PTAFR: variants seen among roughly 807,000 people sequenced by gnomAD.
PTAFR encodes the protein platelet-activating factor receptor.
Under a neutral mutation model 14.7 loss-of-function variants are expected in PTAFR, and 8 were observed. That is an observed-to-expected ratio of 0.54 (90% CI 0.32 to 0.98). The LOEUF (loss-of-function observed/expected upper bound fraction) is 0.98, where lower values mean the gene tolerates loss of function less well. Ranked by LOEUF, PTAFR falls within the 50% of genes least tolerant of loss-of-function variation. The pLI is 0.04. For synonymous variants in PTAFR, 156 were observed against 176.5 expected (o/e 0.88, Z 0.92); for missense variants, 337 against 451.2 (o/e 0.75, Z 2.29).
intron 1 of PTAFR, among the ~76,000 whole-genome samples, chr1:28,187,376 AT>A (rs1235997681): frequency 2.0e-5 from 3 of 152,386 alleles, no homozygotes; most frequent in East Asian, 3.9e-4. Context: ...AAGGAAAAAA[AT>A]AATAAAATTA....
chr1:28,191,034 T>TCCTCTC lies in PTAFR; in HGVS notation c.-39+2682_-39+2687dup, dbSNP rs543156403. 3.3e-5 allele frequency among the ~76,000 whole-genome samples: 5 copies of TCCTCTC among 152,212 alleles called. No homozygotes were observed. In the East Asian group the frequency reaches 9.6e-4, roughly 29 times the overall value. On this transcript the variant is annotated intron_variant, in intron 1 of 1. Transcript: ENST00000305392. ...CTCCTCTCTTTTCTCCTCTTCCTCT[T>TCCTCTC]CCTCTCCCTCACCCTTTCCCTCCCT...
chr1:28,174,996 A>G (rs1646497034), intron 1 of PTAFR, among the ~76,000 whole-genome samples: 1 of 152,094 alleles, frequency 6.6e-6, no homozygotes, highest in South Asian at 2.1e-4. Context: ...GCGCCATCTC[A>G]GCTCACTGCA....
intron 1 of PTAFR, among the ~76,000 whole-genome samples, chr1:28,162,460 C>A (rs1261623265): frequency 6.6e-6 from 1 of 152,120 alleles, no homozygotes; most frequent in Non-Finnish European, 1.5e-5. Flanking sequence ...CTTGGACGAG[C>A]AGCATTGGCA....
intron 1 of PTAFR, among the ~76,000 whole-genome samples, chr1:28,164,700 A>T (rs374698760): frequency 6.6e-6 from 1 of 152,240 alleles, no homozygotes; most frequent in Non-Finnish European, 1.5e-5. Flanking sequence ...TCCAAGGTTC[A>T]TTCTGACTCT....
At chr1:28,175,052 G>T (rs1046573667) in intron 1 of PTAFR, among the ~76,000 whole-genome samples, 1 of 151,952 alleles carries the variant, frequency 6.6e-6, no homozygotes, top group African/African-American at 2.4e-5. Context: ...TCAGCCTCCC[G>T]AGTAGCACCC....
At chr1:28,168,407 A>G (rs986657634) in intron 1 of PTAFR, among the ~76,000 whole-genome samples, 1 of 152,208 alleles carries the variant, frequency 6.6e-6, no homozygotes, top group Non-Finnish European at 1.5e-5. Flanking sequence ...CATACAATGG[A>G]ATATTACTCA....
upstream of PTAFR, chr1:28,177,305 C>T (rs1424813823): frequency 6.6e-6 from 1 of 152,330 alleles, no homozygotes; most frequent in Non-Finnish European, 1.5e-5. Flanking sequence ...GAGAGGAGCT[C>T]GGAAGAGCCA....
chr1:28,181,682 C>T (rs988034796), upstream of PTAFR, among the ~76,000 whole-genome samples: 7 of 151,860 alleles, frequency 4.6e-5, no homozygotes, highest in Middle Eastern at 3.2e-3. Context: ...GCGGAGGTTG[C>T]GGTGAGCCGA....
At chr1:28,166,848 T>A (rs1345246457) in intron 1 of PTAFR, among the ~76,000 whole-genome samples, 7 of 152,076 alleles carry the variant, frequency 4.6e-5, no homozygotes, top group Non-Finnish European at 8.8e-5. Context: ...CACGATGGCA[T>A]GCACCTGTAG....
chr1:28,193,667 C>A (rs930470071), intron 1 of PTAFR: 4 of 152,738 alleles, frequency 2.6e-5, no homozygotes, highest in African/African-American at 9.7e-5. Context: ...TTCTGCAGGG[C>A]AGCTAGACAA....
At chr1:28,160,030 T>C (rs1646305537) in intron 1 of PTAFR, among the ~76,000 whole-genome samples, 1 of 151,800 alleles carries the variant, frequency 6.6e-6, no homozygotes, top group Non-Finnish European at 1.5e-5. Flanking sequence ...CTGGGCAATA[T>C]AGCAAGACCT....
chr1:28,179,505 T>C (rs1646545784), upstream of PTAFR, among the ~76,000 whole-genome samples: 1 of 152,198 alleles, frequency 6.6e-6, no homozygotes, highest in Non-Finnish European at 1.5e-5. Flanking sequence ...CAAATTATGT[T>C]GGCTCCACTT....
intron 1 of PTAFR, among the ~76,000 whole-genome samples, chr1:28,192,991 G>A (rs114147426): frequency 0.023 from 3,425 of 152,216 alleles, 141 homozygotes; most frequent in African/African-American, 0.077. Context: ...TCTTTAGTGC[G>A]GCTGGGACCC....
intron 1 of PTAFR, among the ~76,000 whole-genome samples, chr1:28,187,344 T>G (rs1190104706): frequency 6.6e-6 from 1 of 152,166 alleles, no homozygotes; most frequent in Non-Finnish European, 1.5e-5. Context: ...CCACTAATAG[T>G]GCAAGTTATT....
chr1:28,168,119 C>T (rs1455016472), intron 1 of PTAFR, among the ~76,000 whole-genome samples: 4 of 138,794 alleles, frequency 2.9e-5, no homozygotes, highest in East Asian at 2.0e-4. Context: ...CCACCACACC[C>T]GGCTAATTTT....
chr1:28,162,357 C>G (rs1372615108), intron 1 of PTAFR, among the ~76,000 whole-genome samples: 1 of 152,114 alleles, frequency 6.6e-6, no homozygotes, highest in African/African-American at 2.4e-5. Flanking sequence ...AACAAACACC[C>G]AGCAACCGAC....
intron 1 of PTAFR, among the ~76,000 whole-genome samples, chr1:28,175,120 G>A (rs559813181): frequency 8.5e-5 from 13 of 152,124 alleles, no homozygotes; most frequent in African/African-American, 2.7e-4. Flanking sequence ...CACCATGTTC[G>A]CCAGGATGGT....
intron 1 of PTAFR, among the ~76,000 whole-genome samples, chr1:28,169,600 T>C (rs1646429962): frequency 6.6e-6 from 1 of 152,208 alleles, no homozygotes; most frequent in Non-Finnish European, 1.5e-5. Flanking sequence ...CAGCCAAGCA[T>C]GTCCTCCCTC....
chr1:28,149,779 T>G lies in PTAFR; in HGVS notation c.*214A>C, dbSNP rs1215980125. The G allele has an allele frequency of 1.7e-6, 1 of 591,396 alleles. No homozygotes were observed. The highest frequency in any genetic ancestry group is 2.9e-6 in the Non-Finnish European group (1 of 339,824). 36.6% of individuals were successfully genotyped at this position (591,396 alleles called of 1,614,324 possible). A position where few individuals can be genotyped will look rare whatever the true frequency, so the allele number is the denominator to read the frequency against. ...GTCATCAGTCACAGTTACTGTAGTATGCGCCCACAGGCGGATGAAGGGGCT... is the reference window on the plus strand; with the variant it reads ...GTCATCAGTCACAGTTACTGTAGTAGGCGCCCACAGGCGGATGAAGGGGCT... On this transcript the variant is annotated 3_prime_UTR_variant, in exon 2 of 2. Coordinates refer to ENST00000373857, the MANE Select transcript of PTAFR (RefSeq NM_000952.5).
Sources: allele counts gnomAD v4.1 joint callset (sites outside exome capture counted in the v4.1 genomes callset), GRCh38; gene constraint gnomAD v4.1.1; transcripts MANE v1.5; gene names NCBI Gene and HGNC (gene_info 2026-07-23, HGNC 2026-07-21).